Variants in MCEE observed in about 807,000 individuals in gnomAD.
MCEE encodes the protein methylmalonyl-CoA epimerase.
In MCEE, 6 loss-of-function variants were observed where a neutral mutation model predicts 12.9. The observed-to-expected ratio is 0.47, with a 90% CI of 0.26 to 0.92. The LOEUF (loss-of-function observed/expected upper bound fraction) is 0.92. Among genes scored for constraint, MCEE ranks in the 40% least tolerant of loss-of-function variants. MCEE has a pLI of 0.16. For synonymous variants in MCEE, 78 were observed against 77.9 expected (o/e 1.00, Z -0.01); for missense variants, 214 against 212.1 (o/e 1.01, Z -0.05).
intron 1 of MCEE, among the ~76,000 whole-genome samples, chr2:71,125,950 G>C (rs1270849225): frequency 6.6e-6 from 1 of 152,074 alleles, no homozygotes; most frequent in Non-Finnish European, 1.5e-5. Context: ...TGCAAAAAAA[G>C]AATACCTTCC....
chr2:71,127,118 TA>T (rs1673250954), intron 1 of MCEE, among the ~76,000 whole-genome samples: 1 of 152,232 alleles, frequency 6.6e-6, no homozygotes, highest in East Asian at 1.9e-4. Context: ...GAAGTGTTAA[TA>T]AAAAACGCAT....
intron 2 of MCEE, among the ~76,000 whole-genome samples, chr2:71,120,144 G>A (rs1173003667): frequency 1.3e-5 from 2 of 150,300 alleles, no homozygotes; most frequent in Non-Finnish European, 2.9e-5. Flanking sequence ...GTGTTACAGA[G>A]CAGCAGCTGT....
chr2:71,124,290 C>T lies in MCEE; in HGVS notation c.294G>A (p.Leu98=). ...FVNLGNTKME[L]LHPLGRDSPI... ...GACTGTCACGTCCCAATGGATGAAG[C>T]AGTTCCATCTTGGTATTTCCCAGGT... Residue 98 remains leucine, a synonymous_variant, in exon 2 of 3, where the codon CTG becomes CTA. Transcript: ENST00000244217. The T allele has an allele frequency of 6.2e-7, 1 of 1,614,198 alleles. No homozygotes were observed. Among genetic ancestry groups the T allele is most frequent in the Non-Finnish European group, 8.5e-7 (1 of 1,180,006 alleles).
At chr2:71,114,083 G>T (rs768692032) in intron 2 of MCEE, among the ~76,000 whole-genome samples, 15 of 151,696 alleles carry the variant, frequency 9.9e-5, no homozygotes, top group Non-Finnish European at 1.5e-4. Context: ...CTAGAAAAAG[G>T]TTAGAAAACA....
chr2:71,116,549 T>G (rs1673000233), intron 2 of MCEE, among the ~76,000 whole-genome samples: 1 of 73,490 alleles, frequency 1.4e-5, no homozygotes, highest in Admixed American at 1.3e-4. Context: ...AATTCAAAAC[T>G]TTTTTTTTTT....
At position 71,130,184 on chromosome 2, in the gene MCEE, G is replaced by A. The variant is rs981376969; in HGVS notation, c.36C>T (p.Ala12=). 4.4e-6 allele frequency: 7 copies of A among 1,608,822 alleles called. No homozygotes were observed. The highest frequency in any genetic ancestry group is 1.3e-5 in the African/African-American group (1 of 74,878). Residue 12 remains alanine (A), a synonymous_variant, in exon 1 of 3, where the codon GCC becomes GCT. Transcript: ENST00000244217. The part of the protein sequence containing the change: ...ARVLKAAAAN[A]VGLFSRLQAP... ...TCGCCGGTGCCCGGTATTCACCTAC[G>A]GCATTCGCGGCTGCAGCCTTCAGCA...
chr2:71,115,971 A>AGG (rs570507775), intron 2 of MCEE, among the ~76,000 whole-genome samples: 1 of 149,642 alleles, frequency 6.7e-6, no homozygotes. Flanking sequence ...AATTTAAAAA[A>AGG]GGGGGGGGTT....
intron 1 of MCEE, among the ~76,000 whole-genome samples, chr2:71,124,978 A>C (rs1330459966): frequency 6.6e-6 from 1 of 151,660 alleles, no homozygotes; most frequent in Non-Finnish European, 1.5e-5. Context: ...GTATAAATAT[A>C]CATTAAAAGA....
chr2:71,109,962 A>T lies in MCEE; in HGVS notation c.*8T>A. The T allele has an allele frequency of 6.2e-7, 1 of 1,613,106 alleles. No individual in the cohort carries two copies. ...AGGTCAATTAATTTAGTTGCTTGCA[A>T]ATATAAATCAAGCTTGCTCCAGTTC... is the stretch of plus-strand genomic sequence containing the variant. On this transcript the variant is annotated 3_prime_UTR_variant, in exon 3 of 3. Transcript: ENST00000244217.
At chr2:71,122,509 G>A (rs1299649369) in intron 2 of MCEE, among the ~76,000 whole-genome samples, 1 of 152,194 alleles carries the variant, frequency 6.6e-6, no homozygotes, top group Non-Finnish European at 1.5e-5. Flanking sequence ...GTTCCACGTG[G>A]CTGGGGAGGC....
At chr2:71,127,041 T>C (rs1309015725) in intron 1 of MCEE, among the ~76,000 whole-genome samples, 1 of 152,214 alleles carries the variant, frequency 6.6e-6, no homozygotes, top group Non-Finnish European at 1.5e-5. Flanking sequence ...CCAATAAAGG[T>C]TGCTTTGCAT....
At position 71,110,128 on chromosome 2, in the gene MCEE, G is replaced by A. The variant is rs760863072; in HGVS notation, c.379-6C>T. ...GCTGCATTAATATTATCCACCTTAA[G>A]AAAGGGAAATAAATTGAACACATTT... On this transcript the variant is annotated splice_region_variant and splice_polypyrimidine_tract_variant and intron_variant, in intron 2 of 2. Transcript: ENST00000244217. The A allele has an allele frequency of 3.1e-6, 5 of 1,610,484 alleles. No individual in the cohort carries two copies. The highest frequency in any genetic ancestry group is 2.7e-5 in the African/African-American group (2 of 74,780).
rs773484992 is a variant in MCEE, at chr2:71,109,904, A to G, written c.*66T>C. The G allele has an allele frequency of 6.6e-7, 1 of 1,513,216 alleles. No homozygotes were observed. The highest frequency in any genetic ancestry group is 9.1e-7 in the Non-Finnish European group (1 of 1,095,622). The allele number at this position is 1,513,216 out of a possible 1,614,324, so 93.7% of individuals were successfully genotyped here. A position where few individuals can be genotyped will look rare whatever the true frequency, so the allele number is the denominator to read the frequency against. ...GAAGCAGTGAAGGACTCAATGTCAT[A>G]GTACATTTTGATAGTATTTGATAGG... On this transcript the variant is annotated 3_prime_UTR_variant, in exon 3 of 3. Transcript: ENST00000244217.
intron 2 of MCEE, among the ~76,000 whole-genome samples, chr2:71,114,459 A>C (rs1156829570): frequency 6.6e-6 from 1 of 152,246 alleles, no homozygotes; most frequent in African/African-American, 2.4e-5. Flanking sequence ...AGCTAATAAC[A>C]ATGAATTGGT....
intron 2 of MCEE, among the ~76,000 whole-genome samples, chr2:71,120,081 G>A (rs898476560): frequency 1.3e-5 from 2 of 149,570 alleles, no homozygotes; most frequent in Non-Finnish European, 1.5e-5. Flanking sequence ...GAGGGAGAAG[G>A]GTGTCTGAAG....
chr2:71,119,521 A>C (rs974201615), intron 2 of MCEE, among the ~76,000 whole-genome samples: 1 of 147,868 alleles, frequency 6.8e-6, no homozygotes, highest in African/African-American at 2.7e-5. Flanking sequence ...CTTTGTTGCA[A>C]CTAGCACTAT....
intron 1 of MCEE, among the ~76,000 whole-genome samples, chr2:71,125,207 A>ATTTTTTTTTT (rs1217307224): frequency 1.7e-4 from 8 of 46,600 alleles, no homozygotes; most frequent in Non-Finnish European, 3.0e-4. Context: ...ATATATATAT[A>ATTTTTTTTTT]TATATTTTTT....
At chr2:71,112,550 C>A (rs768586520) in intron 2 of MCEE, among the ~76,000 whole-genome samples, 67 of 150,996 alleles carry the variant, frequency 4.4e-4, no homozygotes, top group Non-Finnish European at 8.5e-4. Context: ...ATTCTCCTGC[C>A]TCAGCCTCCT....
chr2:71,129,963 T>A (rs1029340503), intron 1 of MCEE: 1 of 628,442 alleles, frequency 1.6e-6, no homozygotes, highest in Non-Finnish European at 2.9e-6. Context: ...AGCTCTCGGA[T>A]GGAAATGGGA....
Sources: gnomAD v4.1 joint callset for allele counts (sites outside exome capture counted in the v4.1 genomes callset) on GRCh38, gnomAD v4.1.1 for gene constraint, MANE v1.5 for transcripts, NCBI Gene and HGNC (gene_info 2026-07-23, HGNC 2026-07-21) for gene names.